The following LMAN2 variants were observed in gnomAD, a reference collection of about 807,000 sequenced individuals.
LMAN2 encodes lectin, mannose binding 2.
In LMAN2, 22 loss-of-function variants were observed where a neutral mutation model predicts 39.3. The observed-to-expected ratio is 0.56, with a 90% CI of 0.40 to 0.80. The LOEUF is 0.80. Ranked by LOEUF, LMAN2 falls within the 30% of genes least tolerant of loss-of-function variation. The pLI, the probability that LMAN2 is intolerant of heterozygous loss-of-function variation, is 0.00. For missense variants in LMAN2, 494 were observed against 505.4 expected (o/e 0.98, Z 0.22); for synonymous variants, 207 against 207.8 (o/e 1.00, Z 0.03).
At chr5:177,339,158 G>A (rs186678245) in intron 2 of LMAN2, among the ~76,000 whole-genome samples, 1 of 152,294 alleles carries the variant, frequency 6.6e-6, no homozygotes, top group Admixed American at 6.5e-5. Flanking sequence ...CTGACTCCGA[G>A]AGCTCTGCTC....
intron 2 of LMAN2, among the ~76,000 whole-genome samples, chr5:177,339,386 T>C (rs1761520587): frequency 6.6e-6 from 1 of 152,202 alleles, no homozygotes; most frequent in Admixed American, 6.5e-5. Flanking sequence ...CTAAGTGTGG[T>C]ACCAGCGCTG....
rs370076015 is a variant in LMAN2 at position 177,336,314 on chromosome 5, A to G, written c.790+822T>C. Among the ~76,000 whole-genome samples the G allele has an allele frequency of 1.1e-3, 172 of 152,274 alleles. 1 individual carries two copies. The South Asian group carries it at 0.012, about 10-fold the overall frequency. On this transcript the variant is annotated intron_variant, in intron 6 of 7. Transcript: ENST00000303127. ...ACAGTAGGCAGGGGGAGCAGTGAGCAGGGAGCCAGAGGTGGCAGGGCTGGC... is the reference window on the plus strand; with the variant it reads ...ACAGTAGGCAGGGGGAGCAGTGAGCGGGGAGCCAGAGGTGGCAGGGCTGGC...
intron 2 of LMAN2, among the ~76,000 whole-genome samples, chr5:177,339,600 T>C (rs987699910): frequency 6.6e-6 from 1 of 152,184 alleles, no homozygotes; most frequent in African/African-American, 2.4e-5. Context: ...AGCAAGTGAT[T>C]AAACAAAGAC....
rs1220410362 is a variant in LMAN2, at chr5:177,337,565, T to C, written c.514-41A>G. 4 of 1,609,300 alleles carry C rather than the reference T, an allele frequency of 2.5e-6. No individual in the cohort carries two copies. Among genetic ancestry groups the C allele is most frequent in the African/African-American group, 2.7e-5 (2 of 74,638 alleles). On this transcript the variant is annotated intron_variant, in intron 4 of 7. Coordinates refer to ENST00000303127, the MANE Select transcript of LMAN2 (RefSeq NM_006816.3). This position sits in a 1 kb window ranked among gnomAD's most constrained non-coding sequence, Gnocchi z 8.2. Reference sequence around the variant, plus strand: ...CGGTTACTCCACAAGCAGCCCAGCCTGTGGGGCGAGCAGGGGCACCCACCA... The same window carrying C: ...CGGTTACTCCACAAGCAGCCCAGCCCGTGGGGCGAGCAGGGGCACCCACCA...
chr5:177,337,348 G>A lies in LMAN2; in HGVS notation c.675+15C>T, dbSNP rs774297323. 28 of 1,610,042 alleles carry A rather than the reference G, an allele frequency of 1.7e-5. No homozygotes were observed. Among genetic ancestry groups the A allele is most frequent in the Non-Finnish European group, 2.4e-5 (28 of 1,179,742 alleles). ...AGGGCCACCAGCTGCCACCCCCACC[G>A]CCTAGCCTGCTCACCGTCAGACGGC... On this transcript the variant is annotated intron_variant, in intron 5 of 7. Coordinates refer to ENST00000303127, the MANE Select transcript of LMAN2 (RefSeq NM_006816.3). The surrounding 1 kb of genome is among the most constrained non-coding windows in gnomAD (Gnocchi z 8.2).
chr5:177,337,138 G>A lies in LMAN2; in HGVS notation c.788C>T (p.Ser263Phe), dbSNP rs1761485361. The change falls in exon 6 of 8, where the codon TCT (serine) becomes TTT (phenylalanine). Residue 263 changes from serine (S) to phenylalanine (F), a missense_variant and splice_region_variant. By Grantham distance (155) the Ser-to-Phe change is radical. Transcript: ENST00000303127. The surrounding 1 kb of genome is among the most constrained non-coding windows in gnomAD (Gnocchi z 8.2). ...AACGCCTGGCCCGGCCCACTCACCA[G>A]ACAGGTCGCCGGTGCCGGCGGAGGC... ...FGASAGTGDL[S>F]DNHDIISMKL... The A allele has an allele frequency of 1.1e-5, 17 of 1,611,992 alleles. No individual in the cohort carries two copies. The highest frequency in any genetic ancestry group is 1.3e-5 in the Non-Finnish European group (15 of 1,179,212).
chr5:177,335,634 G>A (rs899198590), intron 6 of LMAN2, among the ~76,000 whole-genome samples: 1 of 152,116 alleles, frequency 6.6e-6, no homozygotes, highest in Non-Finnish European at 1.5e-5. Flanking sequence ...GGCGCGAGCT[G>A]GAAATGATGA....
rs192717490 is a variant in LMAN2 at position 177,345,979 on chromosome 5, G to A, written c.315+5194C>T. On this transcript the variant is annotated intron_variant, in intron 2 of 7. Transcript: ENST00000303127. The stretch of plus-strand genomic sequence containing the variant: ...GACGGGGTTTCACCGTGTTGGCCAG[G>A]ATGGTCTCGAACTCCCGACCTCAGG... 5.5e-3 allele frequency: 832 copies of A among 152,284 alleles called. 6 individuals carry two copies. Among genetic ancestry groups the A allele is most frequent in the African/African-American group, 0.018 (762 of 41,494 alleles). 9.4% of individuals were successfully genotyped at this position (152,284 alleles called of 1,614,324 possible).
At chr5:177,342,672 T>A (rs1168882592) in intron 2 of LMAN2, among the ~76,000 whole-genome samples, 1 of 151,708 alleles carries the variant, frequency 6.6e-6, no homozygotes, top group Non-Finnish European at 1.5e-5. Context: ...GGCAATAAAA[T>A]GAGACCCTGC....
Position 177,351,274 on chromosome 5 carries a change from T to A in LMAN2, c.214A>T (p.Met72Leu), listed in dbSNP as rs11541334. ...KPYQGVGSSS[M>L]PLWDFQGSTM... ...CTGCCCTGGAAGTCCCAGAGGGGCA[T>A]AGAGCTGGAACCGACCCCTGTGGGA... Residue 72 changes from methionine to leucine, a missense_variant, in exon 2 of 8, where the codon ATG becomes TTG. Physicochemically the swap from Met to Leu is conservative, Grantham distance 15. Coordinates refer to ENST00000303127, the MANE Select transcript of LMAN2 (RefSeq NM_006816.3). 1.9e-6 allele frequency: 3 copies of A among 1,613,840 alleles called. No individual in the cohort carries two copies. Among genetic ancestry groups the A allele is most frequent in the African/African-American group, 2.7e-5 (2 of 74,910 alleles).
At chr5:177,350,961 G>A (rs1163904505) in intron 2 of LMAN2, among the ~76,000 whole-genome samples, 3 of 152,224 alleles carry the variant, frequency 2.0e-5, no homozygotes, top group Non-Finnish European at 4.4e-5. Flanking sequence ...GGCTTTTAAA[G>A]TGAGGAGGAT....
chr5:177,340,906 C>A (rs1440599247), intron 2 of LMAN2, among the ~76,000 whole-genome samples: 1 of 151,592 alleles, frequency 6.6e-6, no homozygotes, highest in African/African-American at 2.4e-5. Context: ...AGGCGCCCGC[C>A]ACCACACCCG....
intron 2 of LMAN2, among the ~76,000 whole-genome samples, chr5:177,344,211 C>A (rs559617853): frequency 5.7e-4 from 86 of 151,208 alleles, no homozygotes; most frequent in African/African-American, 1.9e-3. Flanking sequence ...AAGTGAGACC[C>A]CCCCCATCTC....
At chr5:177,341,358 G>A (rs1002712776) in intron 2 of LMAN2, among the ~76,000 whole-genome samples, 2 of 151,882 alleles carry the variant, frequency 1.3e-5, no homozygotes, top group East Asian at 1.9e-4. Flanking sequence ...GAGCCACCGC[G>A]CCCGGCCATA....
In LMAN2 at chr5:177,332,243, T is replaced by C. The variant is rs371597149; in HGVS notation, c.914A>G (p.Asn305Ser). ...GAAGTTCCCCGTGGGGTCGTCCACGTTGTCTGGGGGAGAAGAAACGGGGGA... is the reference window on the plus strand; with the variant it reads ...GAAGTTCCCCGTGGGGTCGTCCACGCTGTCTGGGGGAGAAGAAACGGGGGA... ...SVNFLKSPKD[N>S]VDDPTGNFRS... Residue 305 changes from asparagine (N) to serine (S), a missense_variant, in exon 8 of 8, where the codon AAC becomes AGC. By Grantham distance (46) the Asn-to-Ser change is conservative (BLOSUM62 1). Transcript: ENST00000303127. This position sits in a 1 kb window ranked among gnomAD's most constrained non-coding sequence, Gnocchi z 6.3. 1.3e-4 allele frequency: 204 copies of C among 1,611,918 alleles called. No individual in the cohort carries two copies. The highest frequency in any genetic ancestry group is 1.7e-4 in the Non-Finnish European group (199 of 1,179,540).
At chr5:177,340,972 G>A (rs576712122) in intron 2 of LMAN2, among the ~76,000 whole-genome samples, 37 of 151,630 alleles carry the variant, frequency 2.4e-4, no homozygotes, top group African/African-American at 8.7e-4. Context: ...AGCCAGGATG[G>A]TCACGATCTC....
rs1761402727 is a variant in LMAN2 at position 177,332,381 on chromosome 5, G to A, written c.911-135C>T. ...GGTCGTACTCACCCCCCTCACCGGGGAGGGGCAGAGGTCAGGTGAAGCCCA... is the reference window on the plus strand; with the variant it reads ...GGTCGTACTCACCCCCCTCACCGGGAAGGGGCAGAGGTCAGGTGAAGCCCA... On this transcript the variant is annotated intron_variant, in intron 7 of 7. Coordinates refer to ENST00000303127, the MANE Select transcript of LMAN2 (RefSeq NM_006816.3). This position sits in a 1 kb window ranked among gnomAD's most constrained non-coding sequence, Gnocchi z 6.3. The A allele has an allele frequency of 5.2e-6, 4 of 768,322 alleles. No individual in the cohort carries two copies. The highest frequency in any genetic ancestry group is 8.4e-6 in the Non-Finnish European group (4 of 477,368). The allele number at this position is 768,322 out of a possible 1,614,324, so 47.6% of individuals were successfully genotyped here.
intron 2 of LMAN2, chr5:177,346,058 G>C (rs541838883): frequency 6.6e-6 from 1 of 152,446 alleles, no homozygotes; most frequent in Non-Finnish European, 1.5e-5. Context: ...GTGAGCCACC[G>C]CACCCGGCCC....
chr5:177,332,060 G>C lies in LMAN2; in HGVS notation c.*26C>G, dbSNP rs1761392846. On this transcript the variant is annotated 3_prime_UTR_variant, in exon 8 of 8. Coordinates refer to ENST00000303127, the MANE Select transcript of LMAN2 (RefSeq NM_006816.3). This position sits in a 1 kb window ranked among gnomAD's most constrained non-coding sequence, Gnocchi z 6.3. Reference sequence around the variant, plus strand: ...AAGTTCACATTGGCTCCTGGGCCCAGGGACAGGCCCCGCCGGAGGCGCCAC... The same window carrying C: ...AAGTTCACATTGGCTCCTGGGCCCACGGACAGGCCCCGCCGGAGGCGCCAC... The C allele has an allele frequency of 6.3e-7, 1 of 1,574,838 alleles. No individual in the cohort carries two copies. The highest frequency in any genetic ancestry group is 1.4e-5 in the African/African-American group (1 of 73,278).
Sources: gnomAD v4.1 joint callset for allele counts (sites outside exome capture counted in the v4.1 genomes callset) on GRCh38, gnomAD v4.1.1 for gene constraint, Gnocchi (gnomAD v3.1) non-coding constraint, MANE v1.5 for transcripts, NCBI Gene and HGNC (gene_info 2026-07-23, HGNC 2026-07-21) for gene names.